ESRRG: variants seen among roughly 807,000 people sequenced by gnomAD.
The protein encoded by ESRRG is estrogen-related receptor gamma.
ESRRG carries 13 observed loss-of-function variants against 44.0 expected under a neutral mutation model. The ratio of observed to expected loss-of-function variants is 0.30; its 90% CI spans 0.19 to 0.47. The LOEUF is 0.47. Among genes scored for constraint, ESRRG ranks in the 20% least tolerant of loss-of-function variants. ESRRG has a pLI of 1.00. For synonymous variants in ESRRG, 215 were observed against 214.6 expected (o/e 1.00, Z -0.02); for missense variants, 395 against 580.6 (o/e 0.68, Z 3.29).
intron 2 of ESRRG, among the ~76,000 whole-genome samples, chr1:216,880,885 C>A (rs1052165233): frequency 2.0e-5 from 3 of 151,942 alleles, no homozygotes; most frequent in African/African-American, 7.2e-5. Context: ...CATTGCTGAC[C>A]CACTATTACT....
chr1:217,073,943 C>T (rs565588640), intron 1 of ESRRG, among the ~76,000 whole-genome samples: 10 of 152,152 alleles, frequency 6.6e-5, no homozygotes, highest in South Asian at 4.1e-4. Flanking sequence ...GTAGCATATA[C>T]ACTCCATACT....
At chr1:216,862,197 C>T (rs1398886691) in intron 2 of ESRRG, 1 of 150,906 alleles carries the variant, frequency 6.6e-6, no homozygotes, top group Non-Finnish European at 1.5e-5. Flanking sequence ...CAATGAAAGT[C>T]TATGTCCATG....
chr1:216,719,558 C>A (rs181346928), intron 1 of ESRRG, among the ~76,000 whole-genome samples: 169 of 152,012 alleles, frequency 1.1e-3, no homozygotes, highest in Non-Finnish European at 2.1e-3. Flanking sequence ...ACAAAAAAAT[C>A]TTTCCTCCTG....
chr1:216,883,386 GAAAAAA>G lies in ESRRG; in HGVS notation c.-14+56190_-14+56195del, dbSNP rs11318094. ...GGGGACAAGAGCGAGACTTCTCTGA[GAAAAAA>G]AAAAAAAAAAAAAAAAAAAAAAGAT... On this transcript the variant is annotated intron_variant, in intron 2 of 7. Coordinates refer to the ESRRG transcript ENST00000359162. Among the ~76,000 whole-genome samples the G allele has an allele frequency of 5.5e-4, 42 of 75,874 alleles. 1 individual carries two copies. The highest frequency in any genetic ancestry group is 1.7e-3 in the African/African-American group (39 of 23,248). The allele number at this position is 75,874 out of a possible 152,430, so 49.8% of individuals were successfully genotyped here.
intron 1 of ESRRG, among the ~76,000 whole-genome samples, chr1:217,022,349 C>T (rs879814541): frequency 6.6e-6 from 1 of 152,172 alleles, no homozygotes; most frequent in African/African-American, 2.4e-5. Context: ...GTTGCTTTAT[C>T]CAGACCCACA....
At chr1:216,850,511 G>A (rs775300525) in intron 2 of ESRRG, among the ~76,000 whole-genome samples, 12 of 152,034 alleles carry the variant, frequency 7.9e-5, no homozygotes, top group Non-Finnish European at 1.2e-4. Context: ...GTTGCACCAT[G>A]TCTGGAAACA....
intron 2 of ESRRG, among the ~76,000 whole-genome samples, chr1:216,817,769 T>C (rs1481774872): frequency 6.6e-6 from 1 of 152,232 alleles, no homozygotes; most frequent in Non-Finnish European, 1.5e-5. Context: ...AATCATACAC[T>C]ATCAAGTGCT....
At chr1:216,571,365 C>T (rs537659873) in intron 3 of ESRRG, among the ~76,000 whole-genome samples, 2 of 152,206 alleles carry the variant, frequency 1.3e-5, no homozygotes, top group Admixed American at 1.3e-4. Context: ...ATCGCTTAAA[C>T]CTGAGAGGCA....
intron 2 of ESRRG, among the ~76,000 whole-genome samples, chr1:216,834,127 G>A (rs934912226): frequency 1.3e-5 from 2 of 152,160 alleles, no homozygotes; most frequent in Non-Finnish European, 2.9e-5. Flanking sequence ...AGGGACGGGT[G>A]CTGTGGCTCA....
chr1:217,092,532 C>G (rs1274528300), upstream of ESRRG, among the ~76,000 whole-genome samples: 5 of 152,152 alleles, frequency 3.3e-5, no homozygotes, highest in Non-Finnish European at 2.9e-5. Flanking sequence ...CCATCAAGCT[C>G]TCTGCTTACC....
intron 2 of ESRRG, among the ~76,000 whole-genome samples, chr1:216,674,213 T>C (rs2075699410): frequency 6.6e-6 from 1 of 152,222 alleles, no homozygotes; most frequent in African/African-American, 2.4e-5. Context: ...TTTGTAGTGT[T>C]ACCAAATAGA....
intron 3 of ESRRG, among the ~76,000 whole-genome samples, chr1:216,625,009 C>A (rs2062924806): frequency 6.6e-6 from 1 of 152,072 alleles, no homozygotes; most frequent in Admixed American, 6.6e-5. Context: ...AACCTTCATT[C>A]AAAATGCTCA....
At chr1:216,892,070 GATGGGATTAC>G (rs2057873883) in intron 2 of ESRRG, among the ~76,000 whole-genome samples, 1 of 152,168 alleles carries the variant, frequency 6.6e-6, no homozygotes, top group Non-Finnish European at 1.5e-5. Flanking sequence ...CTCCCAAAGT[GATGGGATTAC>G]AGGCATGAGC....
chr1:217,048,264 G>C (rs2085250989), intron 1 of ESRRG, among the ~76,000 whole-genome samples: 1 of 152,140 alleles, frequency 6.6e-6, no homozygotes, highest in Non-Finnish European at 1.5e-5. Context: ...AGGCCACAGA[G>C]GGCTTGGGCT....
chr1:216,948,163 G>A (rs2066363910), intron 1 of ESRRG, among the ~76,000 whole-genome samples: 1 of 152,086 alleles, frequency 6.6e-6, no homozygotes, highest in African/African-American at 2.4e-5. Flanking sequence ...CACCACTGCT[G>A]TAACTAAACA....
intron 1 of ESRRG, among the ~76,000 whole-genome samples, chr1:217,075,763 T>A (rs1158703512): frequency 6.6e-6 from 1 of 152,134 alleles, no homozygotes; most frequent in Non-Finnish European, 1.5e-5. Context: ...AGATTGATTT[T>A]AAAAAAAGCT....
intron 6 of ESRRG, among the ~76,000 whole-genome samples, chr1:216,511,115 G>A (rs1403530546): frequency 1.3e-5 from 2 of 152,060 alleles, no homozygotes; most frequent in African/African-American, 2.4e-5. Context: ...GTGAAACGCA[G>A]GACTTGATTT....
In ESRRG at chr1:216,766,084, G is replaced by C. The variant is rs138332322; in HGVS notation, c.-13-88593C>G. 6.0e-4 allele frequency among the ~76,000 whole-genome samples: 91 copies of C among 152,210 alleles called. No homozygotes were observed. In the East Asian group the frequency reaches 0.016, roughly 26 times the overall value. ...CAAATCTTGTAAAGTGAACCTGTCG[G>C]GTTTTGATCTCTTCATTCAGCATAC... On this transcript the variant is annotated intron_variant, in intron 2 of 7. Coordinates refer to the ESRRG transcript ENST00000359162.
chr1:217,059,472 G>A (rs1476785371), intron 1 of ESRRG, among the ~76,000 whole-genome samples: 1 of 152,082 alleles, frequency 6.6e-6, no homozygotes, highest in Non-Finnish European at 1.5e-5. Context: ...TGGAGAAACT[G>A]CTGATTTCAG....
Sources: allele counts gnomAD v4.1 joint callset (sites outside exome capture counted in the v4.1 genomes callset), GRCh38; gene constraint gnomAD v4.1.1; transcripts MANE v1.5; gene names NCBI Gene and HGNC (gene_info 2026-07-23, HGNC 2026-07-21).